OR2AP1: variants seen among roughly 807,000 people sequenced by gnomAD.
OR2AP1 encodes olfactory receptor 2AP1.
Under a neutral mutation model 13.9 loss-of-function variants are expected in OR2AP1, and 20 were observed. That is an observed-to-expected ratio of 1.44 (90% CI 1.01 to 2.09). The LOEUF (loss-of-function observed/expected upper bound fraction) is 2.09. OR2AP1 is among the 30% of genes most tolerant of loss of function. The pLI, the probability that OR2AP1 is intolerant of heterozygous loss-of-function variation, is 0.00. For missense variants in OR2AP1, 490 were observed against 360.6 expected (o/e 1.36, Z -2.91); for synonymous variants, 174 against 137.0 (o/e 1.27, Z -1.89).
chr12:55,575,352 A>C lies in OR2AP1; in HGVS notation c.*8A>C. 6.9e-7 allele frequency: 1 copy of C among 1,450,712 alleles called. No individual in the cohort carries two copies. The highest frequency in any genetic ancestry group is 9.2e-7 in the Non-Finnish European group (1 of 1,085,854). 89.9% of individuals were successfully genotyped at this position (1,450,712 alleles called of 1,614,324 possible). ...AAGCTTCTGAATCTTTAAAGAATTT[A>C]AGAATTATGCATCGCGACATTATTC... On this transcript the variant is annotated 3_prime_UTR_variant, in exon 2 of 2. Transcript: ENST00000641114.
intron 1 of OR2AP1, among the ~76,000 whole-genome samples, chr12:55,573,205 C>A (rs946029620): frequency 4.0e-5 from 6 of 151,502 alleles, no homozygotes; most frequent in African/African-American, 1.5e-4. Context: ...ATATATTATA[C>A]CTTATGTGGT....
chr12:55,574,364 CT>C lies in OR2AP1; in HGVS notation c.-47del. 9.3e-6 allele frequency: 9 copies of C among 965,912 alleles called. No individual in the cohort carries two copies. The highest frequency in any genetic ancestry group is 1.4e-5 in the Non-Finnish European group (9 of 662,254). The allele number at this position is 965,912 out of a possible 1,614,324, so 59.8% of individuals were successfully genotyped here. A position where few individuals can be genotyped will look rare whatever the true frequency, so the allele number is the denominator to read the frequency against. On this transcript the variant is annotated 5_prime_UTR_variant, in exon 2 of 2. Coordinates refer to ENST00000641114, the MANE Select transcript of OR2AP1 (RefSeq NM_001258285.2). ...TTTCAGAGCACCTCTTCCTTTCTCA[CT>C]TTTGATTACTACTCTCTTTTTCACT...
chr12:55,574,164 T>A (rs1874489073), intron 1 of OR2AP1, 56 bp from the exon 2 acceptor site: 2 of 402,540 alleles, frequency 5.0e-6, no homozygotes, highest in Admixed American at 8.1e-5. Flanking sequence ...TTGCCTCATG[T>A]GAGCACTAGG....
Position 55,572,635 on chromosome 12 carries a change from G to A in OR2AP1, c.-196+13G>A, listed in dbSNP as rs1207024493. The stretch of plus-strand genomic sequence containing the variant: ...CTGAAGACTCCAGGTTAGTAACCAG[G>A]AGGAGAGGGCATCTGCAGCTGATGC... On this transcript the variant is annotated intron_variant, in intron 1 of 1. Coordinates refer to ENST00000641114, the MANE Select transcript of OR2AP1 (RefSeq NM_001258285.2). 10 of 152,092 alleles carry A rather than the reference G, an allele frequency of 6.6e-5. No individual in the cohort carries two copies. Among genetic ancestry groups the A allele is most frequent in the Non-Finnish European group, 1.5e-5 (1 of 68,012 alleles). The allele number at this position is 152,092 out of a possible 1,614,324, so 9.4% of individuals were successfully genotyped here.
Position 55,574,913 on chromosome 12 carries a change from T to C in OR2AP1, c.499T>C (p.Cys167Arg). The C allele has an allele frequency of 6.5e-7, 1 of 1,540,540 alleles. No individual in the cohort carries two copies. Among genetic ancestry groups the C allele is most frequent in the Non-Finnish European group, 8.7e-7 (1 of 1,147,468 alleles). ...TITLMSQQDF[C>R]ASNRLNHYFC... ...CACCCTGATGAGTCAGCAGGACTTTTGTGCATCCAACAGACTGAATCATTA... is the reference window on the plus strand; with the variant it reads ...CACCCTGATGAGTCAGCAGGACTTTCGTGCATCCAACAGACTGAATCATTA... Residue 167 changes from cysteine to arginine, a missense_variant, in exon 2 of 2, where the codon TGT becomes CGT. Transcript: ENST00000641114.
In OR2AP1 at chr12:55,574,811, A is replaced by G. The variant is rs1345936991; in HGVS notation, c.397A>G (p.Ile133Val). ...AICKPLHYTT[I>V]MSSRICIQLI... ...CTGCAAACCTCTGCATTACACCACCATCATGAGCAGCAGAATCTGCATCCA... is the reference window on the plus strand; with the variant it reads ...CTGCAAACCTCTGCATTACACCACCGTCATGAGCAGCAGAATCTGCATCCA... The change falls in exon 2 of 2, where the codon ATC becomes GTC. Residue 133 changes from isoleucine (I) to valine (V), a missense_variant. Physicochemically the swap from Ile to Val is conservative, Grantham distance 29 (BLOSUM62 3). Transcript: ENST00000641114. 1.2e-6 allele frequency: 2 copies of G among 1,606,780 alleles called. No homozygotes were observed. Among genetic ancestry groups the G allele is most frequent in the Non-Finnish European group, 1.7e-6 (2 of 1,176,592 alleles).
In OR2AP1 at chr12:55,575,399, C is replaced by T; in HGVS notation, c.*55C>T. On this transcript the variant is annotated 3_prime_UTR_variant, in exon 2 of 2. Transcript: ENST00000641114. ...ATTCACAATAGCAAAGACTTGGAAC[C>T]AACCCAAATGTCCAACAATGATAGA... The T allele has an allele frequency of 1.0e-6, 1 of 982,334 alleles. No homozygotes were observed. Among genetic ancestry groups the T allele is most frequent in the Non-Finnish European group, 1.5e-6 (1 of 679,548 alleles). 60.9% of individuals were successfully genotyped at this position (982,334 alleles called of 1,614,324 possible).
At chr12:55,572,824 A>G (rs1874456306) in intron 1 of OR2AP1, among the ~76,000 whole-genome samples, 2 of 152,144 alleles carry the variant, frequency 1.3e-5, no homozygotes, top group African/African-American at 2.4e-5. Flanking sequence ...GAGGTTATAA[A>G]ATCAATTTAG....
At chr12:55,572,949 G>A (rs957438275) in intron 1 of OR2AP1, among the ~76,000 whole-genome samples, 3 of 152,096 alleles carry the variant, frequency 2.0e-5, no homozygotes, top group African/African-American at 7.2e-5. Flanking sequence ...AAAGTGAGAG[G>A]ATCATTTGAG....
rs1874489026 is a variant in OR2AP1 at position 55,574,158 on chromosome 12, C to T, written c.-195-62C>T. 2.8e-5 allele frequency: 11 copies of T among 387,230 alleles called. No individual in the cohort carries two copies. In the South Asian group the frequency reaches 7.9e-4, roughly 28 times the overall value. The allele number at this position is 387,230 out of a possible 1,614,324, so 24.0% of individuals were successfully genotyped here. On this transcript the variant is annotated intron_variant, in intron 1 of 1. Coordinates refer to ENST00000641114, the MANE Select transcript of OR2AP1 (RefSeq NM_001258285.2). ...TATCATTTATGAGGCAGACACTTGC[C>T]TCATGTGAGCACTAGGGAGAGTACA...
rs1474147006 is a variant in OR2AP1, at chr12:55,575,426, T to C, written c.*82T>C. 1.4e-6 allele frequency: 1 copy of C among 730,206 alleles called. No homozygotes were observed. Among genetic ancestry groups the C allele is most frequent in the African/African-American group, 1.8e-5 (1 of 56,280 alleles). The allele number at this position is 730,206 out of a possible 1,614,324, so 45.2% of individuals were successfully genotyped here. ...ACCCAAATGTCCAACAATGATAGAC[T>C]GGATTAAGAAAATATGGCACATATA... On this transcript the variant is annotated 3_prime_UTR_variant, in exon 2 of 2. Coordinates refer to ENST00000641114, the MANE Select transcript of OR2AP1 (RefSeq NM_001258285.2).
At chr12:55,573,591 G>A (rs1874475790) in intron 1 of OR2AP1, among the ~76,000 whole-genome samples, 1 of 152,172 alleles carries the variant, frequency 6.6e-6, no homozygotes, top group African/African-American at 2.4e-5. Flanking sequence ...GGGATTAGTA[G>A]ATCCCTGGTT....
At position 55,574,466 on chromosome 12, in the gene OR2AP1, G is replaced by A; in HGVS notation, c.52G>A (p.Val18Ile). Residue 18 changes from valine (V) to isoleucine (I), a missense_variant, in exon 2 of 2, where the codon GTC (valine) becomes ATC (isoleucine). Coordinates refer to ENST00000641114, the MANE Select transcript of OR2AP1 (RefSeq NM_001258285.2). ...TEFILLGLTDVPELQVAVFTF... is the reference protein window; with the variant it reads ...TEFILLGLTDIPELQVAVFTF... ...GTTTATCCTTCTGGGTCTAACAGAT[G>A]TCCCTGAACTCCAGGTGGCAGTTTT... is the stretch of plus-strand genomic sequence containing the variant. 5 of 1,536,096 alleles carry A rather than the reference G, an allele frequency of 3.3e-6. No homozygotes were observed. Among genetic ancestry groups the A allele is most frequent in the Non-Finnish European group, 4.4e-6 (5 of 1,146,476 alleles).
In OR2AP1 at chr12:55,574,668, C is replaced by G. The variant is rs1874510623; in HGVS notation, c.254C>G (p.Thr85Arg). The change falls in exon 2 of 2, where the codon ACA becomes AGA. Residue 85 changes from threonine (T) to arginine (R), a missense_variant. Physicochemically the swap from Thr to Arg is moderately conservative, Grantham distance 71. Transcript: ENST00000641114. Reference sequence around the variant, plus strand: ...CCAAGGGTCCTGATTAGCATCACAACAGGGAACAAGAGTATCAGCTTTGCT... The same window carrying G: ...CCAAGGGTCCTGATTAGCATCACAAGAGGGAACAAGAGTATCAGCTTTGCT... ...FIPRVLISIT[T>R]GNKSISFAGC... 5.8e-6 allele frequency: 9 copies of G among 1,549,202 alleles called. No individual in the cohort carries two copies. Among genetic ancestry groups the G allele is most frequent in the Non-Finnish European group, 7.8e-6 (9 of 1,149,724 alleles).
Position 55,574,308 on chromosome 12 carries a change from C to A in OR2AP1, c.-107C>A, listed in dbSNP as rs897940356. 1.1e-5 allele frequency: 7 copies of A among 634,540 alleles called. No homozygotes were observed. The highest frequency in any genetic ancestry group is 1.1e-4 in the African/African-American group (6 of 54,486). 39.3% of individuals were successfully genotyped at this position (634,540 alleles called of 1,614,324 possible). A position where few individuals can be genotyped will look rare whatever the true frequency, so the allele number is the denominator to read the frequency against. Reference sequence around the variant, plus strand: ...CAGAGGAGAAGTTAATCATCCATTTCATTTTTTTCTTGTCAGACTTCATCC... The same window carrying A: ...CAGAGGAGAAGTTAATCATCCATTTAATTTTTTTCTTGTCAGACTTCATCC... On this transcript the variant is annotated 5_prime_UTR_variant, in exon 2 of 2. Coordinates refer to ENST00000641114, the MANE Select transcript of OR2AP1 (RefSeq NM_001258285.2).
rs1874511100 is a variant in OR2AP1 at position 55,574,678 on chromosome 12, G to C, written c.264G>C (p.Lys88Asn). 3.9e-6 allele frequency: 6 copies of C among 1,551,862 alleles called. No homozygotes were observed. Among genetic ancestry groups the C allele is most frequent in the Non-Finnish European group, 5.2e-6 (6 of 1,150,286 alleles). The change falls in exon 2 of 2, where the codon AAG becomes AAC. Residue 88 changes from lysine (K) to asparagine (N), a missense_variant. Coordinates refer to ENST00000641114, the MANE Select transcript of OR2AP1 (RefSeq NM_001258285.2). ...RVLISITTGN[K>N]SISFAGCFTQ... ...TGATTAGCATCACAACAGGGAACAA[G>C]AGTATCAGCTTTGCTGGCTGCTTCA...
rs1248259548 is a variant in OR2AP1 at position 55,574,706 on chromosome 12, CAG to C, written c.293_294del (p.Gln98LeufsTer21). 2.6e-6 allele frequency: 4 copies of C among 1,565,058 alleles called. No homozygotes were observed. The highest frequency in any genetic ancestry group is 3.5e-6 in the Non-Finnish European group (4 of 1,155,176). ...TATCAGCTTTGCTGGCTGCTTCACTCAGTATTTCTTTGCCATGTTCCTTGGGG... is the reference window on the plus strand; with the variant it reads ...TATCAGCTTTGCTGGCTGCTTCACTCTATTTCTTTGCCATGTTCCTTGGGG... ...KSISFAGCFT[Q>X]YFFAMFLGAT... On this transcript the variant is annotated frameshift_variant, in exon 2 of 2. Transcript: ENST00000641114. LOFTEE classifies it high-confidence loss of function.
At position 55,574,622 on chromosome 12, in the gene OR2AP1, T is replaced by G. The variant is rs1874508364; in HGVS notation, c.208T>G (p.Ser70Ala). The G allele has an allele frequency of 1.9e-6, 3 of 1,542,026 alleles. No individual in the cohort carries two copies. The highest frequency in any genetic ancestry group is 2.6e-6 in the Non-Finnish European group (3 of 1,148,508). ...FLRNFSFLEI[S>A]FTNIFIPRVL... ...CCGGAACTTCTCCTTCTTGGAAATT[T>G]CCTTCACAAACATCTTCATTCCAAG... The change falls in exon 2 of 2, where the codon TCC becomes GCC. Residue 70 changes from serine to alanine, a missense_variant. By Grantham distance (99) the Ser-to-Ala change is moderately conservative. Transcript: ENST00000641114.
At position 55,575,218 on chromosome 12, in the gene OR2AP1, C is replaced by T. The variant is rs1379474831; in HGVS notation, c.804C>T (p.Phe268=). ...INPSAKEGDT[F]NKGVALLITS... Reference sequence around the variant, plus strand: ...CCTCTGCAAAAGAAGGGGATACATTCAACAAGGGAGTAGCTCTACTCATTA... The same window carrying T: ...CCTCTGCAAAAGAAGGGGATACATTTAACAAGGGAGTAGCTCTACTCATTA... The change falls in exon 2 of 2, where the codon TTC becomes TTT. Residue 268 remains phenylalanine, a synonymous_variant. Transcript: ENST00000641114. 6.3e-7 allele frequency: 1 copy of T among 1,582,978 alleles called. No homozygotes were observed. The highest frequency in any genetic ancestry group is 1.3e-5 in the African/African-American group (1 of 74,506).
Sources: gnomAD v4.1 joint callset for allele counts (sites outside exome capture counted in the v4.1 genomes callset) on GRCh38, gnomAD v4.1.1 for gene constraint, MANE v1.5 for transcripts, NCBI Gene and HGNC (gene_info 2026-07-23, HGNC 2026-07-21) for gene names.